The following CTNNA2 variants were observed in gnomAD, a reference collection of about 807,000 sequenced individuals.
CTNNA2 encodes catenin alpha 2.
CTNNA2 carries 42 observed loss-of-function variants against 101.0 expected under a neutral mutation model. The ratio of observed to expected loss-of-function variants is 0.42; its 90% CI spans 0.32 to 0.54. The LOEUF (loss-of-function observed/expected upper bound fraction) is 0.54. Ranked by LOEUF, CTNNA2 falls within the 20% of genes least tolerant of loss-of-function variation. The probability of loss-of-function intolerance (pLI) is 0.14; values close to 1 mark genes in which losing one functional copy is unlikely to be tolerated. For synonymous variants in CTNNA2, 450 were observed against 456.4 expected (o/e 0.99, Z 0.18); for missense variants, 871 against 1,223.1 (o/e 0.71, Z 4.29).
chr2:80,378,362 AT>A (rs1442624995), intron 7 of CTNNA2, among the ~76,000 whole-genome samples: 13 of 29,374 alleles, frequency 4.4e-4, no homozygotes, highest in African/African-American at 1.8e-3. Flanking sequence ...GTCTCAAAAA[AT>A]AAATAAATAA....
At chr2:80,236,784 C>T (rs149459782) in intron 7 of CTNNA2, among the ~76,000 whole-genome samples, 2 of 152,196 alleles carry the variant, frequency 1.3e-5, no homozygotes, top group East Asian at 3.9e-4. Context: ...GGCTCATTCC[C>T]AAAAAGGAAA....
intron 7 of CTNNA2, among the ~76,000 whole-genome samples, chr2:80,005,740 TCAAA>T (rs1297152665): frequency 1.3e-5 from 2 of 150,716 alleles, no homozygotes; most frequent in South Asian, 2.1e-4. Flanking sequence ...TAGAAATAAC[TCAAA>T]CAACTCAAGT....
chr2:79,851,385 C>A (rs1042251518), intron 3 of CTNNA2, among the ~76,000 whole-genome samples: 2 of 152,102 alleles, frequency 1.3e-5, no homozygotes, highest in African/African-American at 4.8e-5. Context: ...ACTGAATTAC[C>A]GTTTTAAGAT....
chr2:80,368,865 G>GTATATATATA (rs1393726938), intron 7 of CTNNA2, among the ~76,000 whole-genome samples: 3 of 111,308 alleles, frequency 2.7e-5, no homozygotes, highest in Admixed American at 8.7e-5. Flanking sequence ...GTGTGTGTGT[G>GTATATATATA]TGTATATATA....
rs1442859082 is a variant in CTNNA2, at chr2:79,970,931, T to C, written c.1056+61134T>C. 4.6e-5 allele frequency among the ~76,000 whole-genome samples: 7 copies of C among 152,322 alleles called. No individual in the cohort carries two copies. The South Asian group carries it at 1.2e-3, about 27-fold the overall frequency. ...CAACATTATTTCTTTCCAAGATTAA[T>C]GTGTCTGTGGAACTACTTGGCCTTA... is the stretch of plus-strand genomic sequence containing the variant. On this transcript the variant is annotated intron_variant, in intron 7 of 18. Transcript: ENST00000402739.
At chr2:79,355,943 T>C (rs1267243812) in intron 3 of CTNNA2, among the ~76,000 whole-genome samples, 2 of 151,994 alleles carry the variant, frequency 1.3e-5, no homozygotes, top group Non-Finnish European at 2.9e-5. Flanking sequence ...TTCTATTCCA[T>C]AGGGTATATT....
chr2:79,521,461 G>T (rs2103876499), intron 1 of CTNNA2, among the ~76,000 whole-genome samples: 1 of 152,018 alleles, frequency 6.6e-6, no homozygotes, highest in Admixed American at 6.6e-5. Flanking sequence ...TTATGTCACT[G>T]GCCAGCACTG....
intron 3 of CTNNA2, among the ~76,000 whole-genome samples, chr2:79,809,502 T>C (rs927793793): frequency 6.6e-6 from 1 of 152,232 alleles, no homozygotes; most frequent in Non-Finnish European, 1.5e-5. Context: ...TGAGATGTTA[T>C]CTCATGTGGT....
chr2:80,584,809 T>C (rs1695833143), intron 14 of CTNNA2, among the ~76,000 whole-genome samples: 1 of 152,170 alleles, frequency 6.6e-6, no homozygotes, highest in South Asian at 2.1e-4. Flanking sequence ...AAGTTGGTGG[T>C]AATGGTGATG....
intron 7 of CTNNA2, among the ~76,000 whole-genome samples, chr2:80,035,779 A>T (rs1695607565): frequency 2.0e-5 from 3 of 152,248 alleles, no homozygotes; most frequent in Admixed American, 1.3e-4. Flanking sequence ...TTTCACCTGT[A>T]TCGAATCATC....
rs76618099 is a variant in CTNNA2 at position 79,472,548 on chromosome 2, G to C, written c.-134-32506G>C. Among the ~76,000 whole-genome samples the C allele has an allele frequency of 0.011, 1,627 of 152,270 alleles. 79 individuals are homozygous for C. The East Asian group carries it at 0.13, about 12-fold the overall frequency. ...TATAATCCTACCACACAGAATTCAA[G>C]AAATCTAACAGCTTTTCTTCATTTC... is the stretch of plus-strand genomic sequence containing the variant. On this transcript the variant is annotated intron_variant, in intron 4 of 21. Coordinates refer to the CTNNA2 transcript ENST00000466387.
rs1685659031 is a variant in CTNNA2 at position 79,909,705 on chromosome 2, T to A, written c.964T>A (p.Cys322Ser). The change falls in exon 7 of 19, where the codon TGC becomes AGC. Residue 322 changes from cysteine (C) to serine (S), a missense_variant. Coordinates refer to ENST00000402739, the MANE Select transcript of CTNNA2 (RefSeq NM_001282597.3). ...SGAALMADSS[C>S]TRDDRRERIV... ...CGCAGCGCTGATGGCCGACTCCTCC[T>A]GCACGCGAGACGACCGGCGCGAGAG... 1 of 1,613,986 alleles carries A rather than the reference T, an allele frequency of 6.2e-7. No homozygotes were observed. The highest frequency in any genetic ancestry group is 8.5e-7 in the Non-Finnish European group (1 of 1,179,944).
chr2:79,673,962 T>A (rs1297178771), intron 2 of CTNNA2, among the ~76,000 whole-genome samples: 1 of 152,212 alleles, frequency 6.6e-6, no homozygotes, highest in East Asian at 1.9e-4. Context: ...ACTTCAAACA[T>A]GCATAGATCT....
At chr2:80,098,808 G>T (rs1700349674) in intron 7 of CTNNA2, among the ~76,000 whole-genome samples, 1 of 152,228 alleles carries the variant, frequency 6.6e-6, no homozygotes, top group African/African-American at 2.4e-5. Context: ...TCTGAGCCAG[G>T]TGCGGGTTAT....
In CTNNA2 at chr2:80,339,159, T is replaced by C. The variant is rs1281401046; in HGVS notation, c.1057-54052T>C. Among the ~76,000 whole-genome samples the C allele has an allele frequency of 2.6e-5, 4 of 152,260 alleles. No individual in the cohort carries two copies. In the East Asian group the frequency reaches 7.7e-4, roughly 29 times the overall value. On this transcript the variant is annotated intron_variant, in intron 7 of 18. Transcript: ENST00000402739. ...TAACATCTACAAAAACAAACCACTT[T>C]CACTAATAATATAACGTGTGTGTGT... is the stretch of plus-strand genomic sequence containing the variant.
At chr2:80,097,496 T>A (rs1026252311) in intron 7 of CTNNA2, among the ~76,000 whole-genome samples, 1 of 152,186 alleles carries the variant, frequency 6.6e-6, no homozygotes, top group African/African-American at 2.4e-5. Context: ...GGAGTTGCTC[T>A]TCTCGAGGAG....
At position 80,589,916 on chromosome 2, in the gene CTNNA2, G is replaced by A. The variant is rs1008860299; in HGVS notation, c.2189+431G>A. ...TGTGTGTGTGTGTGTGCGCGCGCGC[G>A]CATGTATACATATAGTATGTTGTAA... On this transcript the variant is annotated intron_variant, in intron 15 of 18. Coordinates refer to ENST00000402739, the MANE Select transcript of CTNNA2 (RefSeq NM_001282597.3). Among the ~76,000 whole-genome samples the A allele has an allele frequency of 9.2e-5, 14 of 151,862 alleles. 1 individual carries two copies. The highest frequency in any genetic ancestry group is 4.6e-4 in the Admixed American group (7 of 15,250).
chr2:79,696,914 A>G (rs1410858661), intron 2 of CTNNA2, among the ~76,000 whole-genome samples: 1 of 152,042 alleles, frequency 6.6e-6, no homozygotes, highest in African/African-American at 2.4e-5. Flanking sequence ...CATAAGACAG[A>G]CATTCAAGAG....
At chr2:79,803,289 A>G (rs1464720458) in intron 3 of CTNNA2, among the ~76,000 whole-genome samples, 3 of 152,222 alleles carry the variant, frequency 2.0e-5, no homozygotes, top group Non-Finnish European at 4.4e-5. Context: ...ATTAAGATAC[A>G]CACACAGAAA....
Sources: gnomAD v4.1 joint callset for allele counts (sites outside exome capture counted in the v4.1 genomes callset) on GRCh38, gnomAD v4.1.1 for gene constraint, MANE v1.5 for transcripts, NCBI Gene and HGNC (gene_info 2026-07-23, HGNC 2026-07-21) for gene names.